B3GALT1: variants seen among roughly 807,000 people sequenced by gnomAD.
B3GALT1 encodes beta-1,3-galactosyltransferase 1.
A neutral mutation model predicts 23.2 loss-of-function variants in B3GALT1; 10 were observed. The ratio of observed to expected loss-of-function variants is 0.43; its 90% confidence interval spans 0.27 to 0.73. The LOEUF is 0.73. B3GALT1 is among the 30% of genes least tolerant of loss of function. The pLI is 0.21. For missense variants in B3GALT1, 299 were observed against 405.4 expected (o/e 0.74, Z 2.25); for synonymous variants, 156 against 141.5 (o/e 1.10, Z -0.73).
chr2:167,423,976 A>G (rs1698587296), intron 1 of B3GALT1, among the ~76,000 whole-genome samples: 1 of 152,168 alleles, frequency 6.6e-6, no homozygotes, highest in Non-Finnish European at 1.5e-5. Flanking sequence ...GGTGGTAGAC[A>G]TGACAACACG....
intron 3 of B3GALT1, chr2:167,714,763 T>G: frequency 1.2e-6 from 2 of 1,613,882 alleles, no homozygotes; most frequent in South Asian, 1.1e-5. Flanking sequence ...GATCTTTGGC[T>G]AGCTTTCTAT....
At position 167,586,542 on chromosome 2, in the gene B3GALT1, G is replaced by A. The variant is rs1018341518; in HGVS notation, c.-409-60367G>A. Among the ~76,000 whole-genome samples, 19 of 152,026 alleles carry A rather than the reference G, an allele frequency of 1.2e-4. No homozygotes were observed. The East Asian group carries it at 1.4e-3, about 11-fold the overall frequency. ...TCTCGATCTCCTGACCTTGTGATCC[G>A]CCTGCCTTGCCCTCCCAAAGTGCCG... is the stretch of plus-strand genomic sequence containing the variant. On this transcript the variant is annotated intron_variant, in intron 2 of 4. Coordinates refer to ENST00000392690, the MANE Select transcript of B3GALT1 (RefSeq NM_020981.4).
chr2:167,373,165 G>A (rs1169629381), intron 1 of B3GALT1, among the ~76,000 whole-genome samples: 1 of 151,768 alleles, frequency 6.6e-6, no homozygotes, highest in Non-Finnish European at 1.5e-5. Flanking sequence ...AATTGGATAA[G>A]TTTATGAGAA....
intron 3 of B3GALT1, among the ~76,000 whole-genome samples, chr2:167,695,129 A>G (rs1686772679): frequency 6.6e-6 from 1 of 152,120 alleles, no homozygotes; most frequent in Non-Finnish European, 1.5e-5. Context: ...TTTTAGAATG[A>G]TCATCCAAAT....
chr2:167,367,715 T>A (rs1697611730), intron 1 of B3GALT1, among the ~76,000 whole-genome samples: 1 of 152,108 alleles, frequency 6.6e-6, no homozygotes, highest in Admixed American at 6.5e-5. Context: ...AGGAATTTGA[T>A]CAAAAATTTG....
At chr2:167,652,541 GTCT>G (rs1574191560) in intron 3 of B3GALT1, among the ~76,000 whole-genome samples, 1 of 152,184 alleles carries the variant, frequency 6.6e-6, no homozygotes, top group Non-Finnish European at 1.5e-5. Flanking sequence ...TTCCTCAGTA[GTCT>G]TCTTAAAGTT....
intron 3 of B3GALT1, among the ~76,000 whole-genome samples, chr2:167,817,386 C>G (rs1689016021): frequency 6.6e-6 from 1 of 152,152 alleles, no homozygotes; most frequent in Admixed American, 6.5e-5. Flanking sequence ...AAGCACCATC[C>G]TAAGCACTTT....
chr2:167,480,563 T>G (rs1480628077), intron 1 of B3GALT1, among the ~76,000 whole-genome samples: 2 of 151,668 alleles, frequency 1.3e-5, no homozygotes, highest in African/African-American at 4.9e-5. Flanking sequence ...GTTTTGTTCC[T>G]TAGCCATGGT....
At chr2:167,336,068 G>T (rs537702133) in intron 1 of B3GALT1, among the ~76,000 whole-genome samples, 3 of 152,020 alleles carry the variant, frequency 2.0e-5, no homozygotes, top group South Asian at 4.2e-4. Flanking sequence ...TCTCAATTAT[G>T]GTTGTCAGAT....
At chr2:167,415,333 G>A (rs1698452431) in intron 1 of B3GALT1, among the ~76,000 whole-genome samples, 1 of 152,162 alleles carries the variant, frequency 6.6e-6, no homozygotes, top group Non-Finnish European at 1.5e-5. Context: ...GGTCTCTGCA[G>A]GAAATCCCCA....
chr2:167,406,103 G>C (rs554285093), intron 1 of B3GALT1, among the ~76,000 whole-genome samples: 2 of 151,774 alleles, frequency 1.3e-5, no homozygotes, highest in African/African-American at 4.8e-5. Flanking sequence ...GCAATTTCTT[G>C]GTAAGTTGAA....
At chr2:167,404,092 G>C (rs1231015775) in intron 1 of B3GALT1, among the ~76,000 whole-genome samples, 7 of 152,040 alleles carry the variant, frequency 4.6e-5, no homozygotes, top group Non-Finnish European at 7.4e-5. Flanking sequence ...CTTGGTTTTT[G>C]GTAAGGGCCT....
chr2:167,369,134 C>G (rs1697639996), intron 1 of B3GALT1, among the ~76,000 whole-genome samples: 1 of 148,850 alleles, frequency 6.7e-6, no homozygotes, highest in Admixed American at 6.7e-5. Flanking sequence ...TGTCCAGTAT[C>G]TTTGAGTGGA....
At chr2:167,683,782 G>C in intron 3 of B3GALT1, among the ~76,000 whole-genome samples, 1 of 152,020 alleles carries the variant, frequency 6.6e-6, no homozygotes, top group East Asian at 1.9e-4. Context: ...AGACAATCCA[G>C]CTTCTGAAGT....
intron 2 of B3GALT1, among the ~76,000 whole-genome samples, chr2:167,507,504 CAAA>C (rs60408245): frequency 1.9e-4 from 5 of 26,636 alleles, no homozygotes; most frequent in African/African-American, 2.5e-4. Flanking sequence ...GACTCCGTCT[CAAA>C]AAAAAAAAAA....
At chr2:167,351,578 A>G (rs1319937071) in intron 1 of B3GALT1, among the ~76,000 whole-genome samples, 3 of 152,220 alleles carry the variant, frequency 2.0e-5, no homozygotes, top group Non-Finnish European at 2.9e-5. Context: ...ACTAAAGTAC[A>G]CAAGTGTGTG....
intron 2 of B3GALT1, among the ~76,000 whole-genome samples, chr2:167,550,321 A>G (rs903772620): frequency 1.3e-5 from 2 of 152,188 alleles, no homozygotes; most frequent in Admixed American, 1.3e-4. Context: ...TAAAGGATAC[A>G]CTCTAGACTT....
chr2:167,335,372 A>G (rs902356023), intron 1 of B3GALT1, among the ~76,000 whole-genome samples: 1 of 152,178 alleles, frequency 6.6e-6, no homozygotes, highest in Non-Finnish European at 1.5e-5. Flanking sequence ...TTCTTAGGCC[A>G]TATTTAGTTT....
chr2:167,694,418 A>G (rs1180154591), intron 3 of B3GALT1, among the ~76,000 whole-genome samples: 1 of 152,122 alleles, frequency 6.6e-6, no homozygotes, highest in Non-Finnish European at 1.5e-5. Flanking sequence ...AAATTACTGT[A>G]ACAAAACTTC....
Sources: allele counts gnomAD v4.1 joint callset (sites outside exome capture counted in the v4.1 genomes callset), GRCh38; gene constraint gnomAD v4.1.1; transcripts MANE v1.5; gene names NCBI Gene and HGNC (gene_info 2026-07-23, HGNC 2026-07-21).